Variants in UBXN2A observed in about 807,000 individuals in gnomAD.
The protein encoded by UBXN2A is UBX domain-containing protein 2A.
Under a neutral mutation model 28.4 loss-of-function variants are expected in UBXN2A, and 28 were observed. The ratio of observed to expected loss-of-function variants is 0.99; its 90% CI spans 0.73 to 1.35. The LOEUF (loss-of-function observed/expected upper bound fraction) is 1.35. UBXN2A is among the 40% of genes most tolerant of loss of function. The probability of loss-of-function intolerance (pLI) is 0.00; values close to 1 mark genes in which losing one functional copy is unlikely to be tolerated. For missense variants in UBXN2A, 253 were observed against 297.9 expected (o/e 0.85, Z 1.11); for synonymous variants, 97 against 103.6 (o/e 0.94, Z 0.39).
At chr2:23,998,496 G>A (rs1708624679) in intron 6 of UBXN2A, among the ~76,000 whole-genome samples, 2 of 152,118 alleles carry the variant, frequency 1.3e-5, no homozygotes, top group Admixed American at 6.5e-5. Flanking sequence ...TAAGCGGGTG[G>A]ATCACCTGAG....
chr2:23,946,655 C>T (rs141760001), intron 1 of UBXN2A, among the ~76,000 whole-genome samples: 3,352 of 152,060 alleles, frequency 0.022, 136 homozygotes, highest in African/African-American at 0.077. Context: ...GGAGTTTCAC[C>T]ATATTGGCCA....
intron 3 of UBXN2A, among the ~76,000 whole-genome samples, chr2:23,972,415 G>T (rs1036430339): frequency 6.6e-6 from 1 of 152,170 alleles, no homozygotes; most frequent in African/African-American, 2.4e-5. Context: ...CCCTCTGGTC[G>T]CAAGCATTTC....
In UBXN2A at chr2:23,976,987, T is replaced by C. The variant is rs754393619; in HGVS notation, c.199T>C (p.Leu67=). The change falls in exon 4 of 7, where the codon TTA becomes CTA. Residue 67 remains leucine, a synonymous_variant. Transcript: ENST00000309033. ...TTTGCAGGTAGATGTAAATATAAAA[T>C]TATGGAAAAACGGATTCACCGTCAA... ...QKKQVDVNIK[L]WKNGFTVNDD... is the part of the protein sequence containing the mutation. The C allele has an allele frequency of 8.1e-6, 13 of 1,611,042 alleles. No individual in the cohort carries two copies. The highest frequency in any genetic ancestry group is 1.3e-5 in the African/African-American group (1 of 74,872).
intron 2 of UBXN2A, among the ~76,000 whole-genome samples, 197 bp downstream of exon 2, chr2:23,958,552 TATTA>T (rs572011470): frequency 7.2e-5 from 11 of 152,348 alleles, no homozygotes; most frequent in Admixed American, 3.3e-4. Context: ...GAATGTTTTT[TATTA>T]ATTTTAAAAA....
Position 24,000,045 on chromosome 2 carries a change from G to A in UBXN2A, c.*178G>A, listed in dbSNP as rs1385528185. ...CAAGTTAAGAAAGTAGCATATGACT[G>A]GAAACTATATTCAGTGCACTTTCTC... On this transcript the variant is annotated 3_prime_UTR_variant, in exon 7 of 7. Transcript: ENST00000309033. 3 of 592,838 alleles carry A rather than the reference G, an allele frequency of 5.1e-6. No individual in the cohort carries two copies. Among genetic ancestry groups the A allele is most frequent in the Non-Finnish European group, 8.7e-6 (3 of 346,542 alleles). 36.7% of individuals were successfully genotyped at this position (592,838 alleles called of 1,614,324 possible). A position where few individuals can be genotyped will look rare whatever the true frequency, so the allele number is the denominator to read the frequency against.
At chr2:23,932,549 G>C (rs1705402335) in intron 1 of UBXN2A, among the ~76,000 whole-genome samples, 1 of 152,098 alleles carries the variant, frequency 6.6e-6, no homozygotes, top group South Asian at 2.1e-4. Context: ...GGGGAGCGGT[G>C]GGTGGGGGTG....
chr2:23,927,632 A>AG (rs1229962058), intron 1 of UBXN2A: 16 of 75,296 alleles, frequency 2.1e-4, no homozygotes, highest in African/African-American at 6.1e-4. Flanking sequence ...TTAAGAAGAG[A>AG]AGGGGGGGGG....
intron 6 of UBXN2A, among the ~76,000 whole-genome samples, chr2:23,986,963 A>G (rs565518413): frequency 2.0e-5 from 3 of 152,018 alleles, no homozygotes; most frequent in South Asian, 2.1e-4. Context: ...AGTCCCAGCA[A>G]TTTGGGAGGC....
intron 1 of UBXN2A, among the ~76,000 whole-genome samples, chr2:23,949,639 C>T (rs1451697385): frequency 6.6e-6 from 1 of 151,892 alleles, no homozygotes; most frequent in Non-Finnish European, 1.5e-5. Context: ...CTTTGGGAGG[C>T]CAAGGCAGGA....
intron 1 of UBXN2A, chr2:23,927,634 G>GGC (rs1050597161): frequency 1.4e-5 from 1 of 71,464 alleles, no homozygotes. Flanking sequence ...AAGAAGAGAA[G>GGC]GGGGGGGGGA....
At chr2:23,968,177 G>C (rs762440112) in intron 2 of UBXN2A, among the ~76,000 whole-genome samples, 63 of 152,262 alleles carry the variant, frequency 4.1e-4, no homozygotes, top group Admixed American at 7.8e-4. Context: ...TCCTAGCACT[G>C]CCTCCTAGTA....
intron 6 of UBXN2A, among the ~76,000 whole-genome samples, chr2:23,989,801 GCTGAAGTAGGA>G (rs1354689244): frequency 6.6e-6 from 1 of 152,034 alleles, no homozygotes; most frequent in Non-Finnish European, 1.5e-5. Context: ...TACTCGGGAG[GCTGAAGTAGGA>G]GGATCACCTG....
upstream of UBXN2A, among the ~76,000 whole-genome samples, chr2:23,936,606 G>C (rs1705536261): frequency 6.6e-6 from 1 of 151,914 alleles, no homozygotes; most frequent in Admixed American, 6.6e-5. Context: ...GGGATGGAGA[G>C]AGACTCTGTC....
chr2:23,971,547 G>A (rs1283886811), intron 3 of UBXN2A, 133 bp downstream of exon 3: 2 of 1,012,126 alleles, frequency 2.0e-6, no homozygotes, highest in East Asian at 2.7e-5. Flanking sequence ...GGAGTGCAGT[G>A]GCTCGATCTT....
rs565937404 is a variant in UBXN2A, at chr2:23,930,588, G to A, written c.-138+2973G>A. 1.7e-4 allele frequency among the ~76,000 whole-genome samples: 26 copies of A among 152,336 alleles called. No homozygotes were observed. In the East Asian group the frequency reaches 4.8e-3, roughly 28 times the overall value. On this transcript the variant is annotated intron_variant, in intron 1 of 7. Transcript: ENST00000404924. ...CTTGAAAAAGATAAGGCCAAGCAAGGTGGCTCACGCCTATAATCCTAGCAC... is the reference window on the plus strand; with the variant it reads ...CTTGAAAAAGATAAGGCCAAGCAAGATGGCTCACGCCTATAATCCTAGCAC...
At chr2:23,992,378 A>G (rs781393870) in intron 6 of UBXN2A, among the ~76,000 whole-genome samples, 2 of 152,212 alleles carry the variant, frequency 1.3e-5, no homozygotes, top group African/African-American at 2.4e-5. Flanking sequence ...GAGAAGTATG[A>G]TTGGAGGGCA....
chr2:23,988,310 T>C (rs1044245877), intron 6 of UBXN2A, among the ~76,000 whole-genome samples: 2 of 152,174 alleles, frequency 1.3e-5, no homozygotes, highest in South Asian at 2.1e-4. Context: ...TATCGACTAA[T>C]AGACCCTAAT....
chr2:23,945,823 TTCTTCTC>T (rs1706047832), intron 1 of UBXN2A, among the ~76,000 whole-genome samples: 2 of 151,994 alleles, frequency 1.3e-5, no homozygotes, highest in African/African-American at 4.8e-5. Context: ...TTCTTTTTTT[TTCTTCTC>T]TTTTTTTTTT....
Position 23,997,491 on chromosome 2 carries a change from G to A in UBXN2A, c.585-2181G>A, listed in dbSNP as rs1019024703. Among the ~76,000 whole-genome samples, 15 of 151,854 alleles carry A rather than the reference G, an allele frequency of 9.9e-5. 1 individual carries two copies. Among genetic ancestry groups the A allele is most frequent in the African/African-American group, 3.1e-4 (13 of 41,370 alleles). ...TTTTGAGACGGAGTCCTGCTCTGTC[G>A]CCCAGGCTGGAGTGCAGTGGCGCAA... On this transcript the variant is annotated intron_variant, in intron 6 of 6. Transcript: ENST00000309033.
Sources: gnomAD v4.1 joint callset for allele counts (sites outside exome capture counted in the v4.1 genomes callset) on GRCh38, gnomAD v4.1.1 for gene constraint, MANE v1.5 for transcripts, NCBI Gene and HGNC (gene_info 2026-07-23, HGNC 2026-07-21) for gene names.